The following TRPC5 variants were observed in gnomAD, a reference collection of about 807,000 sequenced individuals.
TRPC5 encodes short transient receptor potential channel 5.
TRPC5 carries 9 observed loss-of-function variants against 56.5 expected under a neutral mutation model. That is an observed-to-expected ratio of 0.16 (90% CI 0.10 to 0.28). The LOEUF (loss-of-function observed/expected upper bound fraction) is 0.28, where lower values mean the gene tolerates loss of function less well. Among genes scored for constraint, TRPC5 ranks in the 10% least tolerant of loss-of-function variants. The pLI is 1.00. For synonymous variants in TRPC5, 282 were observed against 278.5 expected (o/e 1.01, Z -0.13); for missense variants, 469 against 748.9 (o/e 0.63, Z 4.36).
At chrX:111,961,998 A>G in intron 1 of TRPC5, among the ~76,000 whole-genome samples, 1 of 111,911 alleles carries the variant, frequency 8.9e-6, no homozygotes, top group Non-Finnish European at 1.9e-5. Flanking sequence ...GAAAACCAAT[A>G]CCACATGTTC....
intron 2 of TRPC5, among the ~76,000 whole-genome samples, chrX:111,942,018 G>C (rs763867187): frequency 8.2e-4 from 92 of 111,998 alleles, no homozygotes; most frequent in Non-Finnish European, 3.8e-4. Context: ...CTCAGCAAGA[G>C]AGACAGGGTC....
In TRPC5 at chrX:111,903,163, T is replaced by G. The variant is rs1057436130; in HGVS notation, c.900+9128A>C. The G allele has an allele frequency of 2.7e-5, 3 of 111,923 alleles. No homozygotes were observed. In the Admixed American group the frequency reaches 2.9e-4, roughly 11 times the overall value. 9.2% of individuals were successfully genotyped at this position (111,923 alleles called of 1,213,427 possible). On this transcript the variant is annotated intron_variant, in intron 3 of 10. Coordinates refer to ENST00000262839, the MANE Select transcript of TRPC5 (RefSeq NM_012471.3). The stretch of plus-strand genomic sequence containing the variant: ...ACTAGATAAGATATATTCCAGTGTT[T>G]GCTTTGATTCTGTAATTTTATGTGC...
chrX:111,920,255 A>G (rs971621757), intron 2 of TRPC5, among the ~76,000 whole-genome samples: 3 of 110,759 alleles, frequency 2.7e-5, no homozygotes, highest in African/African-American at 1.0e-4. Flanking sequence ...AGCCTGGGTG[A>G]CAGAGCGAGA....
At chrX:111,967,651 C>G (rs996197853) in intron 1 of TRPC5, among the ~76,000 whole-genome samples, 1 of 111,240 alleles carries the variant, frequency 9.0e-6, no homozygotes, top group Admixed American at 9.5e-5. Flanking sequence ...CAGAACAGAG[C>G]CCTCAGAAAT....
chrX:111,772,190 G>C lies in TRPC5; in HGVS notation c.*4123C>G, dbSNP rs759919824. On this transcript the variant is annotated 3_prime_UTR_variant, in exon 11 of 11. Coordinates refer to ENST00000262839, the MANE Select transcript of TRPC5 (RefSeq NM_012471.3). ...TTTGGGGTACTCAGATCCCACTGCCGAGTCCTACACCAACAAGGTGGATAT... is the reference window on the plus strand; with the variant it reads ...TTTGGGGTACTCAGATCCCACTGCCCAGTCCTACACCAACAAGGTGGATAT... 1.3e-4 allele frequency among the ~76,000 whole-genome samples: 14 copies of C among 111,315 alleles called. No individual in the cohort carries two copies. The highest frequency in any genetic ancestry group is 2.6e-4 in the Non-Finnish European group (14 of 53,011).
intron 2 of TRPC5, among the ~76,000 whole-genome samples, chrX:111,950,523 G>C (rs192044913): frequency 9.0e-6 from 1 of 111,124 alleles, no homozygotes; most frequent in East Asian, 2.8e-4. Flanking sequence ...AGGATGGGAA[G>C]GGGGAGAGGA....
intron 3 of TRPC5, among the ~76,000 whole-genome samples, chrX:111,875,680 C>T (rs1390563454): frequency 9.9e-6 from 1 of 101,040 alleles, no homozygotes; most frequent in East Asian, 3.1e-4. Flanking sequence ...TTAAAGATTG[C>T]AGTTTATGCT....
intron 1 of TRPC5, among the ~76,000 whole-genome samples, chrX:112,063,621 C>T (rs1930508422): frequency 8.9e-6 from 1 of 111,783 alleles, no homozygotes; most frequent in African/African-American, 3.3e-5. Context: ...AGACATTTTT[C>T]CCCCCTTTCC....
intron 7 of TRPC5, among the ~76,000 whole-genome samples, chrX:111,821,276 T>C (rs1922021475): frequency 9.0e-6 from 1 of 111,287 alleles, no homozygotes; most frequent in African/African-American, 3.3e-5. Context: ...CAGGGGGAAA[T>C]TGGGATACAG....
intron 2 of TRPC5, among the ~76,000 whole-genome samples, chrX:111,930,121 G>A (rs995568889): frequency 2.7e-5 from 3 of 111,040 alleles, no homozygotes; most frequent in Non-Finnish European, 5.7e-5. Flanking sequence ...AACACTCTCA[G>A]GCTGATTTCT....
intron 6 of TRPC5, among the ~76,000 whole-genome samples, chrX:111,836,890 T>C (rs1299065822): frequency 2.7e-5 from 3 of 112,229 alleles, no homozygotes; most frequent in Non-Finnish European, 5.6e-5. Flanking sequence ...AAAGGGCTAG[T>C]TTATTTTGTT....
intron 1 of TRPC5, among the ~76,000 whole-genome samples, chrX:111,999,767 A>C (rs1201638750): frequency 2.7e-5 from 3 of 111,580 alleles, no homozygotes; most frequent in Non-Finnish European, 5.6e-5. Flanking sequence ...GGAGTTCGAG[A>C]CCAGCCTGGC....
chrX:111,798,480 C>T (rs1921182360), intron 7 of TRPC5, among the ~76,000 whole-genome samples: 2 of 111,425 alleles, frequency 1.8e-5, no homozygotes, highest in Non-Finnish European at 3.8e-5. Flanking sequence ...TGGATAACAC[C>T]GGGGGGCCAT....
chrX:112,081,330 T>C (rs763014810), intron 1 of TRPC5, among the ~76,000 whole-genome samples: 10 of 111,930 alleles, frequency 8.9e-5, no homozygotes, highest in African/African-American at 3.2e-4. Context: ...TCTTGGTTCC[T>C]TTAAGGAAGA....
At chrX:111,943,851 C>A (rs961134502) in intron 2 of TRPC5, among the ~76,000 whole-genome samples, 1 of 112,115 alleles carries the variant, frequency 8.9e-6, no homozygotes, top group African/African-American at 3.2e-5. Context: ...TGTTTACCAG[C>A]CTCTTCCTCT....
intron 7 of TRPC5, among the ~76,000 whole-genome samples, chrX:111,800,397 C>T (rs1466081864): frequency 1.3e-4 from 14 of 111,420 alleles, no homozygotes; most frequent in African/African-American, 2.6e-4. Context: ...TTTGGAAGGC[C>T]GAGGAGGGTG....
At chrX:112,049,559 G>A (rs1930161788) in intron 1 of TRPC5, among the ~76,000 whole-genome samples, 2 of 107,541 alleles carry the variant, frequency 1.9e-5, no homozygotes, top group African/African-American at 6.7e-5. Flanking sequence ...TGAAGAGACA[G>A]GATCTCGCTA....
chrX:111,862,778 T>C (rs1923440306), intron 3 of TRPC5, among the ~76,000 whole-genome samples: 1 of 112,277 alleles, frequency 8.9e-6, no homozygotes, highest in Admixed American at 9.4e-5. Context: ...AATGTTACCA[T>C]TTTAACAATA....
intron 1 of TRPC5, among the ~76,000 whole-genome samples, chrX:112,064,994 A>T (rs143046560): frequency 0.045 from 4,937 of 109,118 alleles, 130 homozygotes; most frequent in Non-Finnish European, 0.067. Context: ...GAATGGCGTG[A>T]ACCCGGGAGG....
Sources: gnomAD v4.1 joint callset for allele counts (sites outside exome capture counted in the v4.1 genomes callset) on GRCh38, gnomAD v4.1.1 for gene constraint, MANE v1.5 for transcripts, NCBI Gene and HGNC (gene_info 2026-07-23, HGNC 2026-07-21) for gene names.